RNF213: variants seen among roughly 807,000 people sequenced by gnomAD.
RNF213 encodes ring finger protein 213.
Under a neutral mutation model 514.4 loss-of-function variants are expected in RNF213, and 341 were observed. That is an observed-to-expected ratio of 0.66 (90% CI 0.61 to 0.73). RNF213 has a LOEUF of 0.73. Among genes scored for constraint, RNF213 ranks in the 30% least tolerant of loss-of-function variants. The pLI is 0.00. For synonymous variants in RNF213, 2,655 were observed against 2,658.2 expected (o/e 1.00, Z 0.04); for missense variants, 5,767 against 6,615.6 (o/e 0.87, Z 4.45).
Position 80,343,348 on chromosome 17 carries a change from CG to C in RNF213, c.6183+24del. The C allele has an allele frequency of 6.3e-7, 1 of 1,599,910 alleles. No individual in the cohort carries two copies. Among genetic ancestry groups the C allele is most frequent in the African/African-American group, 1.3e-5 (1 of 74,636 alleles). On this transcript the variant is annotated intron_variant, in intron 27 of 67. Coordinates refer to ENST00000582970, the MANE Select transcript of RNF213 (RefSeq NM_001256071.3). This position sits in a 1 kb window ranked among gnomAD's most constrained non-coding sequence, Gnocchi z 4.3. ...TCAGTAAGTGCCCTCCAGCGTCAGCCGATGGCCACATCAGTAAAGACGTGGT... is the reference window on the plus strand; with the variant it reads ...TCAGTAAGTGCCCTCCAGCGTCAGCCATGGCCACATCAGTAAAGACGTGGT...
At chr17:80,275,247 C>G (rs1259517528) in intron 3 of RNF213, among the ~76,000 whole-genome samples, 1 of 151,342 alleles carries the variant, frequency 6.6e-6, no homozygotes, top group Non-Finnish European at 1.5e-5. Context: ...ATAATCCCTT[C>G]CAGAGCAGCC....
rs1194453754 is a variant in RNF213, at chr17:80,389,437, G to C, written c.15195+70G>C. The C allele has an allele frequency of 6.4e-6, 9 of 1,396,744 alleles. No individual in the cohort carries two copies. In the South Asian group the frequency reaches 8.3e-5, roughly 13 times the overall value. The allele number at this position is 1,396,744 out of a possible 1,614,324, so 86.5% of individuals were successfully genotyped here. A position where few individuals can be genotyped will look rare whatever the true frequency, so the allele number is the denominator to read the frequency against. ...GGTCTCCTGCTTCCCGCGAGGGATA[G>C]GAGCATTCAGGGAGTGCCACTCTAG... On this transcript the variant is annotated intron_variant, in intron 65 of 67. Coordinates refer to ENST00000582970, the MANE Select transcript of RNF213 (RefSeq NM_001256071.3).
rs1274336313 is a variant in RNF213 at position 80,339,744 on chromosome 17, C to T, written c.5377C>T (p.Leu1793=). The T allele has an allele frequency of 1.7e-5, 26 of 1,537,014 alleles. No homozygotes were observed. Among genetic ancestry groups the T allele is most frequent in the Non-Finnish European group, 2.2e-5 (25 of 1,146,848 alleles). Residue 1793 remains leucine (L), a synonymous_variant, in exon 26 of 68, where the codon CTG becomes TTG. Transcript: ENST00000582970. ...GTCCATGAGGTGCCTTCCTGCCTTC[C>T]TGCCCGACTGCCTCGACCTAGAGAC... ...EQSMRCLPAF[L]PDCLDLETLG...
chr17:80,273,523 C>T (rs2145149870), intron 3 of RNF213, 119 bp downstream of exon 3: 1 of 1,313,970 alleles, frequency 7.6e-7, no homozygotes, highest in Non-Finnish European at 1.1e-6. Context: ...TTGAACCTGC[C>T]CACAGGGCAG....
chr17:80,304,901 C>A (rs1237864686), intron 11 of RNF213, among the ~76,000 whole-genome samples: 1 of 152,158 alleles, frequency 6.6e-6, no homozygotes, highest in Non-Finnish European at 1.5e-5. Flanking sequence ...AACCACTGTT[C>A]TCCTCTCTGT....
intron 57 of RNF213, 165 bp downstream of exon 57, chr17:80,381,892 G>A (rs149200340): frequency 2.8e-6 from 2 of 720,832 alleles, no homozygotes; most frequent in African/African-American, 1.8e-5. Flanking sequence ...GTCTAGGGAA[G>A]GCGATGCCTG....
Position 80,343,383 on chromosome 17 carries a change from C to T in RNF213, c.6183+58C>T. 2 of 1,393,380 alleles carry T rather than the reference C, an allele frequency of 1.4e-6. No individual in the cohort carries two copies. Among genetic ancestry groups the T allele is most frequent in the South Asian group, 1.2e-5 (1 of 83,236 alleles). 86.3% of individuals were successfully genotyped at this position (1,393,380 alleles called of 1,614,324 possible). A position where few individuals can be genotyped will look rare whatever the true frequency, so the allele number is the denominator to read the frequency against. On this transcript the variant is annotated intron_variant, in intron 27 of 67. Transcript: ENST00000582970. The surrounding 1 kb of genome is among the most constrained non-coding windows in gnomAD (Gnocchi z 4.3). Reference sequence around the variant, plus strand: ...ATCAGTAAAGACGTGGTCCCCATGTCTCTGCGTGACTCCTCCCCGTGTATA... The same window carrying T: ...ATCAGTAAAGACGTGGTCCCCATGTTTCTGCGTGACTCCTCCCCGTGTATA...
At chr17:80,318,860 A>T (rs112395903) in intron 16 of RNF213, among the ~76,000 whole-genome samples, 90 of 152,356 alleles carry the variant, frequency 5.9e-4, no homozygotes, top group African/African-American at 2.0e-3. Context: ...GGCGTGAGCC[A>T]CCGCGCCCGG....
intron 64 of RNF213, 45 bp from the exon 65 acceptor site, chr17:80,389,128 G>A (rs1022004390): frequency 1.3e-6 from 2 of 1,592,852 alleles, no homozygotes; most frequent in Admixed American, 3.3e-5. Context: ...TGAGATGCCA[G>A]AAACCCAGCC....
rs2144508094 is a variant in RNF213 at position 80,371,928 on chromosome 17, A to G, written c.12480A>G (p.Lys4160=). Residue 4160 remains lysine, a synonymous_variant, in exon 47 of 68, where the codon AAA becomes AAG. Transcript: ENST00000582970. ...AATATTTGACCCTGTTAAAAAAGAA[A>G]GCATTCATAACTGAAGATAAAACTG... ...IQEYLTLLKK[K]AFITEDKTEL... is the part of the protein sequence containing the mutation. The G allele has an allele frequency of 1.9e-6, 3 of 1,598,758 alleles. No individual in the cohort carries two copies. The highest frequency in any genetic ancestry group is 1.1e-5 in the South Asian group (1 of 90,808).
rs2080676185 is a variant in RNF213, at chr17:80,396,836, T to C, written c.*3338T>C. On this transcript the variant is annotated 3_prime_UTR_variant, in exon 68 of 68. Coordinates refer to ENST00000582970, the MANE Select transcript of RNF213 (RefSeq NM_001256071.3). ...GCCCTTTTGAGGAGGTGGGGGTGTA[T>C]GCGAAAGCAACCTGGGGCCAAAGCA... The C allele has an allele frequency of 6.9e-6, 1 of 144,100 alleles. No individual in the cohort carries two copies. The highest frequency in any genetic ancestry group is 2.6e-5 in the African/African-American group (1 of 38,684). 8.9% of individuals were successfully genotyped at this position (144,100 alleles called of 1,614,324 possible).
chr17:80,294,609 C>A, intron 8 of RNF213, 111 bp from the exon 9 acceptor site: 2 of 1,322,762 alleles, frequency 1.5e-6, no homozygotes, highest in South Asian at 1.2e-5. Flanking sequence ...CCTTCCTCTG[C>A]CCCATTTACT....
chr17:80,324,053 T>C (rs751258272), intron 17 of RNF213, among the ~76,000 whole-genome samples: 14 of 152,186 alleles, frequency 9.2e-5, no homozygotes, highest in Non-Finnish European at 2.1e-4. Flanking sequence ...TGAATAGAGT[T>C]TCACTTCTTC....
At position 80,291,214 on chromosome 17, in the gene RNF213, A is replaced by G. The variant is rs771132706; in HGVS notation, c.1272-414A>G. ...GCCATGCATTTTGGTGTCATATTCC[A>G]TCATGGACCTTTTTCTTTTTAAAAG... On this transcript the variant is annotated intron_variant, in intron 7 of 67. Coordinates refer to ENST00000582970, the MANE Select transcript of RNF213 (RefSeq NM_001256071.3). Among the ~76,000 whole-genome samples, 18 of 151,204 alleles carry G rather than the reference A, an allele frequency of 1.2e-4. 1 individual carries two copies. The highest frequency in any genetic ancestry group is 2.2e-4 in the Non-Finnish European group (15 of 67,882).
Position 80,345,708 on chromosome 17 carries a change from A to G in RNF213, c.7373A>G (p.Asp2458Gly). Residue 2458 changes from aspartate (D) to glycine (G), a missense_variant, in exon 29 of 68, where the codon GAC (aspartate) becomes GGC (glycine). Physicochemically the swap from Asp to Gly is moderately conservative, Grantham distance 94. Transcript: ENST00000582970. This position sits in a 1 kb window ranked among gnomAD's most constrained non-coding sequence, Gnocchi z 6.0. ...LVKVHGGTTA[D>G]MIYSRVREAE... ...AAGGTGCACGGAGGAACAACTGCAG[A>G]CATGATCTACTCCAGAGTCAGGGAG... 1 of 1,614,264 alleles carries G rather than the reference A, an allele frequency of 6.2e-7. No individual in the cohort carries two copies. The highest frequency in any genetic ancestry group is 1.6e-4 in the Middle Eastern group (1 of 6,062).
chr17:80,353,117 G>A lies in RNF213; in HGVS notation c.10423+58G>A. On this transcript the variant is annotated intron_variant, in intron 33 of 67. Transcript: ENST00000582970. This position sits in a 1 kb window ranked among gnomAD's most constrained non-coding sequence, Gnocchi z 5.0. Reference sequence around the variant, plus strand: ...GGTGGTGGAAGGGCAGATGGCAGGTGTGGAGCGTGGCGTGCACATGGCACT... The same window carrying A: ...GGTGGTGGAAGGGCAGATGGCAGGTATGGAGCGTGGCGTGCACATGGCACT... 3.1e-6 allele frequency: 5 copies of A among 1,602,504 alleles called. No homozygotes were observed. Among genetic ancestry groups the A allele is most frequent in the Non-Finnish European group, 3.4e-6 (4 of 1,179,006 alleles).
chr17:80,328,524 AGAG>A lies in RNF213; in HGVS notation c.3517+51_3517+53del, dbSNP rs1479887873. ...CAAAGTTGAGGGCTCTCAAAGGGTT[AGAG>A]GAGAACACAGTAAGAATGGATCACA... On this transcript the variant is annotated intron_variant, in intron 20 of 67. Transcript: ENST00000582970. 3.9e-6 allele frequency: 6 copies of A among 1,527,598 alleles called. No individual in the cohort carries two copies. In the Admixed American group the frequency reaches 9.8e-5, roughly 25 times the overall value. 94.6% of individuals were successfully genotyped at this position (1,527,598 alleles called of 1,614,324 possible).
intron 2 of RNF213, among the ~76,000 whole-genome samples, chr17:80,268,589 C>A (rs1303823838): frequency 1.3e-5 from 2 of 151,258 alleles, no homozygotes; most frequent in East Asian, 4.0e-4. Context: ...CCTAATACAT[C>A]CTCTCTCATC....
Position 80,372,774 on chromosome 17 carries a change from C to G in RNF213, c.12751+40C>G, listed in dbSNP as rs541232107. On this transcript the variant is annotated intron_variant, in intron 48 of 67. Transcript: ENST00000582970. ...CCTTGCTTTCCTTTGGGTTTAAAGA[C>G]TCCGTTATTTAGAAATTCAGGAAGT... 32 of 1,587,874 alleles carry G rather than the reference C, an allele frequency of 2.0e-5. No individual in the cohort carries two copies. The African/African-American group carries it at 3.9e-4, about 19-fold the overall frequency.
Sources: gnomAD v4.1 joint callset for allele counts (sites outside exome capture counted in the v4.1 genomes callset) on GRCh38, gnomAD v4.1.1 for gene constraint, Gnocchi (gnomAD v3.1) non-coding constraint, MANE v1.5 for transcripts, NCBI Gene and HGNC (gene_info 2026-07-23, HGNC 2026-07-21) for gene names.